Variants in MPPED2 observed in about 807,000 individuals in gnomAD.
MPPED2 encodes the protein metallophosphoesterase MPPED2.
MPPED2 carries 5 observed loss-of-function variants against 33.0 expected under a neutral mutation model. The ratio of observed to expected loss-of-function variants is 0.15; its 90% CI spans 0.08 to 0.32. The LOEUF is 0.32. MPPED2 is among the 10% of genes least tolerant of loss of function. The pLI, the probability that MPPED2 is intolerant of heterozygous loss-of-function variation, is 1.00. For synonymous variants in MPPED2, 136 were observed against 141.9 expected, an observed-to-expected ratio of 0.96 and a Z score of 0.29; for missense variants, 275 against 372.1, an observed-to-expected ratio of 0.74 and a Z score of 2.15.
downstream of MPPED2, among the ~76,000 whole-genome samples, chr11:30,407,036 G>A (rs542831953): frequency 6.6e-6 from 1 of 152,304 alleles, no homozygotes; most frequent in South Asian, 2.1e-4. Flanking sequence ...CACAGCAAGT[G>A]TTTTATCTGC....
intron 2 of MPPED2, among the ~76,000 whole-genome samples, chr11:30,561,779 G>A (rs987431269): frequency 6.6e-6 from 1 of 152,180 alleles, no homozygotes; most frequent in Non-Finnish European, 1.5e-5. Context: ...TGACCACAGG[G>A]TTTCTCAACC....
intron 3 of MPPED2, among the ~76,000 whole-genome samples, chr11:30,506,773 A>T (rs954247177): frequency 5.9e-5 from 9 of 152,218 alleles, no homozygotes; most frequent in Admixed American, 1.3e-4. Flanking sequence ...TGCAAATAAG[A>T]ATTTTAAAAA....
intron 3 of MPPED2, among the ~76,000 whole-genome samples, chr11:30,512,767 G>A (rs1470382786): frequency 6.6e-6 from 1 of 152,180 alleles, no homozygotes; most frequent in African/African-American, 2.4e-5. Context: ...TTGGAAGGTG[G>A]AGGCGGGCTG....
chr11:30,434,632 A>G (rs531631669), intron 4 of MPPED2, among the ~76,000 whole-genome samples: 5 of 152,342 alleles, frequency 3.3e-5, no homozygotes, highest in Non-Finnish European at 7.3e-5. Flanking sequence ...TTGCCAGAGT[A>G]CACGGAGATA....
chr11:30,460,142 AT>A (rs1160478710), intron 4 of MPPED2, among the ~76,000 whole-genome samples: 1 of 152,132 alleles, frequency 6.6e-6, no homozygotes, highest in Non-Finnish European at 1.5e-5. Flanking sequence ...TGCTTATAGC[AT>A]TTTCTGTTTA....
At chr11:30,388,469 T>C (rs1947729658) in exon 7 of MPPED2, 1 of 154,178 alleles carries the variant, frequency 6.5e-6, no homozygotes, top group South Asian at 2.0e-4. Context: ...GGTTTGGGCA[T>C]GAAGCTGTTT....
chr11:30,388,819 G>A, exon 7 of MPPED2: 1 of 1,464,826 alleles, frequency 6.8e-7, no homozygotes, highest in Non-Finnish European at 9.1e-7. Flanking sequence ...ATTCATGCCA[G>A]GATTGTAGCT....
At chr11:30,574,001 A>G (rs1956815504) in intron 2 of MPPED2, among the ~76,000 whole-genome samples, 1 of 152,240 alleles carries the variant, frequency 6.6e-6, no homozygotes, top group African/African-American at 2.4e-5. Flanking sequence ...TTAAAAAATT[A>G]AAAAGCGTAT....
intron 3 of MPPED2, among the ~76,000 whole-genome samples, chr11:30,522,422 A>C (rs920705980): frequency 3.4e-4 from 51 of 148,804 alleles, no homozygotes; most frequent in African/African-American, 1.2e-3. Context: ...ACACACACAC[A>C]CCTAGAAAGA....
intron 4 of MPPED2, among the ~76,000 whole-genome samples, chr11:30,490,209 G>A (rs1288360293): frequency 3.3e-5 from 5 of 152,066 alleles, no homozygotes; most frequent in Non-Finnish European, 7.4e-5. Context: ...GGGCACCACT[G>A]GTGGCAGAGA....
intron 3 of MPPED2, among the ~76,000 whole-genome samples, chr11:30,525,275 C>A (rs1223429458): frequency 6.6e-6 from 1 of 152,230 alleles, no homozygotes; most frequent in African/African-American, 2.4e-5. Context: ...CACAAATAAT[C>A]TTCTGAGGAT....
chr11:30,488,219 C>T (rs796374169), intron 4 of MPPED2, among the ~76,000 whole-genome samples: 1 of 152,052 alleles, frequency 6.6e-6, no homozygotes, highest in Non-Finnish European at 1.5e-5. Context: ...GTAATACATA[C>T]CCTGGTTAAA....
At chr11:30,417,719 G>T in intron 4 of MPPED2, 86 bp from the exon 5 acceptor site, 1 of 757,874 alleles carries the variant, frequency 1.3e-6, no homozygotes, top group South Asian at 1.5e-5. Flanking sequence ...ATTCCCCCAC[G>T]GTTTGCATTG....
intron 4 of MPPED2, among the ~76,000 whole-genome samples, chr11:30,460,117 G>C (rs568977860): frequency 2.0e-5 from 3 of 152,318 alleles, no homozygotes; most frequent in South Asian, 4.1e-4. Context: ...ATGGACAGAT[G>C]GGAGTTTCAC....
chr11:30,529,464 G>A (rs1480294291), intron 3 of MPPED2, among the ~76,000 whole-genome samples: 2 of 152,044 alleles, frequency 1.3e-5, no homozygotes, highest in Non-Finnish European at 2.9e-5. Context: ...ATATCGTTAA[G>A]ATGAAAAAGA....
chr11:30,527,177 G>A (rs937245504), intron 3 of MPPED2, among the ~76,000 whole-genome samples: 3 of 151,846 alleles, frequency 2.0e-5, no homozygotes, highest in African/African-American at 4.8e-5. Flanking sequence ...TGATCCGCCC[G>A]TCTCGGCCTC....
rs372743944 is a variant in MPPED2 at position 30,564,860 on chromosome 11, C to A, written c.128+15386G>T. Among the ~76,000 whole-genome samples, 41 of 152,222 alleles carry A rather than the reference C, an allele frequency of 2.7e-4. No homozygotes were observed. In the South Asian group the frequency reaches 4.4e-3, roughly 16 times the overall value. On this transcript the variant is annotated intron_variant, in intron 2 of 6. Coordinates refer to ENST00000358117, the MANE Select transcript of MPPED2 (RefSeq NM_001584.3). ...GTGCATGGAATGCATTCATGCCCCCCAATCTGACTCCATGTGTGAGCAAAC... is the reference window on the plus strand; with the variant it reads ...GTGCATGGAATGCATTCATGCCCCCAAATCTGACTCCATGTGTGAGCAAAC...
chr11:30,422,473 A>G (rs1409688261), intron 4 of MPPED2, among the ~76,000 whole-genome samples: 2 of 152,204 alleles, frequency 1.3e-5, no homozygotes, highest in Non-Finnish European at 2.9e-5. Flanking sequence ...AAATATCTAC[A>G]CAGAGCAGAA....
At chr11:30,548,663 T>C (rs1347381560) in intron 2 of MPPED2, among the ~76,000 whole-genome samples, 5 of 151,372 alleles carry the variant, frequency 3.3e-5, no homozygotes, top group African/African-American at 4.9e-5. Context: ...CAAAAGAAGG[T>C]GCATTTTACC....
Sources: gnomAD v4.1 joint callset for allele counts (sites outside exome capture counted in the v4.1 genomes callset) on GRCh38, gnomAD v4.1.1 for gene constraint, MANE v1.5 for transcripts, NCBI Gene and HGNC (gene_info 2026-07-23, HGNC 2026-07-21) for gene names.